The following MTMR3 variants were observed in gnomAD, a reference collection of about 807,000 sequenced individuals.
The protein encoded by MTMR3 is phosphatidylinositol-3,5-bisphosphate 3-phosphatase MTMR3.
MTMR3 carries 32 observed loss-of-function variants against 132.4 expected under a neutral mutation model. The observed-to-expected ratio is 0.24, with a 90% confidence interval of 0.18 to 0.32. The LOEUF (loss-of-function observed/expected upper bound fraction) is 0.32. MTMR3 is among the 10% of genes least tolerant of loss of function. MTMR3 has a pLI of 1.00. For synonymous variants in MTMR3, 556 were observed against 550.3 expected (o/e 1.01, Z -0.14); for missense variants, 1,216 against 1,489.6 (o/e 0.82, Z 3.02).
At chr22:29,905,361 C>G (rs2145734166) in intron 1 of MTMR3, among the ~76,000 whole-genome samples, 1 of 152,228 alleles carries the variant, frequency 6.6e-6, no homozygotes, top group Non-Finnish European at 1.5e-5. Context: ...AGTTCAAACC[C>G]CTGTTGTTCG....
At chr22:29,925,956 A>G (rs2065508793) in intron 1 of MTMR3, among the ~76,000 whole-genome samples, 2 of 152,146 alleles carry the variant, frequency 1.3e-5, no homozygotes, top group South Asian at 4.1e-4. Flanking sequence ...CAATGTAATG[A>G]TTTTGGGCAT....
At chr22:29,936,154 A>G (rs1334949964) in intron 1 of MTMR3, among the ~76,000 whole-genome samples, 1 of 152,190 alleles carries the variant, frequency 6.6e-6, no homozygotes, top group African/African-American at 2.4e-5. Flanking sequence ...GTAGCCTACA[A>G]TCGTAATGTA....
chr22:29,907,484 C>T (rs1278187881), intron 1 of MTMR3, among the ~76,000 whole-genome samples: 3 of 149,004 alleles, frequency 2.0e-5, no homozygotes, highest in African/African-American at 5.2e-5. Context: ...TAGATGTTTT[C>T]CCCCTTCACC....
chr22:29,903,672 T>TAGG (rs2065042986), intron 1 of MTMR3, among the ~76,000 whole-genome samples: 1 of 152,090 alleles, frequency 6.6e-6, no homozygotes, highest in Non-Finnish European at 1.5e-5. Flanking sequence ...GGATCACAGG[T>TAGG]GTGAGCCACC....
At chr22:29,928,179 T>C (rs1439012356) in intron 1 of MTMR3, among the ~76,000 whole-genome samples, 5 of 149,454 alleles carry the variant, frequency 3.3e-5, no homozygotes, top group East Asian at 1.9e-4. Context: ...TTCTTTTTTT[T>C]TTTTTTTTTT....
At chr22:29,955,524 A>C (rs2066171216) in intron 1 of MTMR3, among the ~76,000 whole-genome samples, 1 of 152,208 alleles carries the variant, frequency 6.6e-6, no homozygotes, top group Non-Finnish European at 1.5e-5. Flanking sequence ...ACTTAATAGC[A>C]AGACTGGTCT....
chr22:29,998,232 C>G (rs969915797), intron 7 of MTMR3: 5 of 152,324 alleles, frequency 3.3e-5, no homozygotes, highest in African/African-American at 1.2e-4. Flanking sequence ...GATGAGATAA[C>G]ATAACTCTTG....
At position 30,029,725 on chromosome 22, in the gene MTMR3, A is replaced by C. The variant is rs1014723998; in HGVS notation, c.*3924A>C. 1 of 152,296 alleles carries C rather than the reference A, an allele frequency of 6.6e-6. No homozygotes were observed. The highest frequency in any genetic ancestry group is 1.5e-5 in the Non-Finnish European group (1 of 68,028). 9.4% of individuals were successfully genotyped at this position (152,296 alleles called of 1,614,324 possible). On this transcript the variant is annotated 3_prime_UTR_variant, in exon 20 of 20. Coordinates refer to ENST00000401950, the MANE Select transcript of MTMR3 (RefSeq NM_021090.4). ...TGTCCCCAGGGCTGCAGCTGTATCC[A>C]CCTGATTGCAGTAGGTGAGGGCTAA...
chr22:30,030,255 C>T lies in MTMR3; in HGVS notation c.*4454C>T, dbSNP rs550139088. 2.0e-5 allele frequency: 3 copies of T among 152,286 alleles called. No individual in the cohort carries two copies. In the South Asian group the frequency reaches 6.2e-4, roughly 32 times the overall value. 9.4% of individuals were successfully genotyped at this position (152,286 alleles called of 1,614,324 possible). ...TCAGTTTTTCTTACAGTGCTCATAG[C>T]AGTTGTATTTGAATTGTATTTTCAG... is the stretch of plus-strand genomic sequence containing the variant. On this transcript the variant is annotated 3_prime_UTR_variant, in exon 20 of 20. Coordinates refer to ENST00000401950, the MANE Select transcript of MTMR3 (RefSeq NM_021090.4).
At chr22:29,946,633 C>T (rs2145822689) in intron 1 of MTMR3, among the ~76,000 whole-genome samples, 1 of 152,218 alleles carries the variant, frequency 6.6e-6, no homozygotes, top group East Asian at 1.9e-4. Flanking sequence ...AGTATTAGGG[C>T]AATATCATTC....
At chr22:29,923,599 A>T (rs79296409) in intron 1 of MTMR3, among the ~76,000 whole-genome samples, 2,299 of 152,244 alleles carry the variant, frequency 0.015, 63 homozygotes, top group African/African-American at 0.053. Context: ...TTCTCAGGCT[A>T]CCATAACAAA....
At chr22:29,966,540 T>C (rs1467237944) in intron 2 of MTMR3, among the ~76,000 whole-genome samples, 1 of 152,196 alleles carries the variant, frequency 6.6e-6, no homozygotes, top group Non-Finnish European at 1.5e-5. Flanking sequence ...TGTAAAATAG[T>C]ATTATCAAAT....
At chr22:30,021,333 ATATT>A (rs1471351832) in intron 17 of MTMR3, 1 of 173,266 alleles carries the variant, frequency 5.8e-6, no homozygotes, top group East Asian at 1.4e-4. Context: ...TTTTAAACAA[ATATT>A]TATACCCATC....
At chr22:29,891,153 T>C (rs1266087356) in intron 1 of MTMR3, among the ~76,000 whole-genome samples, 1 of 152,052 alleles carries the variant, frequency 6.6e-6, no homozygotes, top group Non-Finnish European at 1.5e-5. Flanking sequence ...TCCTTAGATA[T>C]TTGATTTACA....
In MTMR3 at chr22:29,892,024, G is replaced by A. The variant is rs142863170; in HGVS notation, c.-138+8665G>A. On this transcript the variant is annotated intron_variant, in intron 1 of 19. Coordinates refer to ENST00000401950, the MANE Select transcript of MTMR3 (RefSeq NM_021090.4). ...AAAAATTAGCCCAGCGTGGTGGCAC[G>A]CGCCTGTAGTTCCAGCTACTTGGGA... Among the ~76,000 whole-genome samples the A allele has an allele frequency of 9.9e-4, 151 of 152,074 alleles. 1 individual carries two copies. The highest frequency in any genetic ancestry group is 3.5e-3 in the African/African-American group (147 of 41,494).
chr22:30,025,678 A>G lies in MTMR3; in HGVS notation c.3474A>G (p.Pro1158=). The change falls in exon 20 of 20, where the codon CCA becomes CCG. Residue 1158 remains proline, a synonymous_variant. Coordinates refer to ENST00000401950, the MANE Select transcript of MTMR3 (RefSeq NM_021090.4). Reference sequence around the variant, plus strand: ...CCAGTTGTTGTAACCAGAAGGTTCCAGTTCCCAGCCAGCAGCTCTTTGAAC... The same window carrying G: ...CCAGTTGTTGTAACCAGAAGGTTCCGGTTCCCAGCCAGCAGCTCTTTGAAC... ...FCSSCCNQKV[P]VPSQQLFEPS... is the part of the protein sequence containing the mutation. 6.2e-7 allele frequency: 1 copy of G among 1,614,232 alleles called. No homozygotes were observed. Among genetic ancestry groups the G allele is most frequent in the Non-Finnish European group, 8.5e-7 (1 of 1,180,032 alleles).
chr22:29,978,525 T>C lies in MTMR3; in HGVS notation c.87T>C (p.Asn29=). ...PRKQLIREDE[N]LQVPFLELHG... is the part of the protein sequence containing the mutation. ...AGCAGCTGATCCGGGAGGATGAGAA[T>C]CTTCAGGTAATTATAGGCCACTTTT... The change falls in exon 4 of 20, where the codon AAT becomes AAC. Residue 29 remains asparagine (N), a synonymous_variant. Coordinates refer to ENST00000401950, the MANE Select transcript of MTMR3 (RefSeq NM_021090.4). 6.2e-7 allele frequency: 1 copy of C among 1,612,900 alleles called. No homozygotes were observed. Among genetic ancestry groups the C allele is most frequent in the Non-Finnish European group, 8.5e-7 (1 of 1,179,070 alleles).
chr22:29,997,313 G>C (rs1443017925), intron 7 of MTMR3: 1 of 152,184 alleles, frequency 6.6e-6, no homozygotes, highest in Admixed American at 6.5e-5. Context: ...AGTAATTGCT[G>C]TTTCCTATTC....
Position 30,020,438 on chromosome 22 carries a change from G to T in MTMR3, c.2779G>T (p.Val927Leu). The T allele has an allele frequency of 6.2e-7, 1 of 1,614,164 alleles. No homozygotes were observed. The highest frequency in any genetic ancestry group is 1.3e-5 in the African/African-American group (1 of 75,036). The change falls in exon 17 of 20, where the codon GTG (valine) becomes TTG (leucine). Residue 927 changes from valine to leucine, a missense_variant. Val to Leu is a conservative substitution (Grantham distance 32). Transcript: ENST00000401950. ...TTTAGCCGAATGTAAAGAGGGGCTTGTGTGCAATGGTGCCCCAGAGACTGA... is the reference window on the plus strand; with the variant it reads ...TTTAGCCGAATGTAAAGAGGGGCTTTTGTGCAATGGTGCCCCAGAGACTGA... ...LPLAECKEGL[V>L]CNGAPETENR...
Sources: allele counts gnomAD v4.1 joint callset (sites outside exome capture counted in the v4.1 genomes callset), GRCh38; gene constraint gnomAD v4.1.1; transcripts MANE v1.5; gene names NCBI Gene and HGNC (gene_info 2026-07-23, HGNC 2026-07-21).